LMNTD2: variants seen among roughly 807,000 people sequenced by gnomAD.
LMNTD2 encodes lamin tail domain containing 2, also known as lamin tail domain-containing protein 2.
A neutral mutation model predicts 70.1 loss-of-function variants in LMNTD2; 83 were observed. The observed-to-expected ratio is 1.18, with a 90% CI of 0.99 to 1.42. The LOEUF is 1.42. LMNTD2 is among the 40% of genes most tolerant of loss of function. The pLI is 0.00. For synonymous variants in LMNTD2, 534 were observed against 406.1 expected, an observed-to-expected ratio of 1.31 and a Z score of -3.79; for missense variants, 1,153 against 905.9, an observed-to-expected ratio of 1.27 and a Z score of -3.50.
chr11:559,334 C>T, intron 1 of LMNTD2: 1 of 1,365,608 alleles, frequency 7.3e-7, no homozygotes, highest in Non-Finnish European at 9.7e-7. Flanking sequence ...AGGGCCCTAC[C>T]CCCAGCACTC....
chr11:557,891 C>T lies in LMNTD2; in HGVS notation c.548G>A (p.Ser183Asn), dbSNP rs200911555. Residue 183 changes from serine to asparagine, a missense_variant, in exon 5 of 14, where the codon AGT becomes AAT. Coordinates refer to ENST00000329451, the MANE Select transcript of LMNTD2 (RefSeq NM_173573.3). The part of the protein sequence containing the change: ...VGRMLRSQTG[S>N]VEVVTAETLM... ...CTTGGGGGACAGGCTCACCTCCACACTGCCAGTCTGGGATCGTAGCATGCG... is the reference window on the plus strand; with the variant it reads ...CTTGGGGGACAGGCTCACCTCCACATTGCCAGTCTGGGATCGTAGCATGCG... 8 of 1,568,170 alleles carry T rather than the reference C, an allele frequency of 5.1e-6. No individual in the cohort carries two copies. Among genetic ancestry groups the T allele is most frequent in the African/African-American group, 4.0e-5 (3 of 74,134 alleles).
Position 555,287 on chromosome 11 carries a change from C to T in LMNTD2, c.1773+18G>A. The T allele has an allele frequency of 1.4e-6, 2 of 1,383,470 alleles. No homozygotes were observed. Among genetic ancestry groups the T allele is most frequent in the Non-Finnish European group, 1.9e-6 (2 of 1,070,312 alleles). The allele number at this position is 1,383,470 out of a possible 1,614,324, so 85.7% of individuals were successfully genotyped here. On this transcript the variant is annotated intron_variant, in intron 13 of 13. Coordinates refer to ENST00000329451, the MANE Select transcript of LMNTD2 (RefSeq NM_173573.3). Reference sequence around the variant, plus strand: ...CGAGGAGGGAGAGGAGGGGGCGCACCCGCAAGCGCGCACTCACCCGAACTC... The same window carrying T: ...CGAGGAGGGAGAGGAGGGGGCGCACTCGCAAGCGCGCACTCACCCGAACTC...
rs1213478718 is a variant in LMNTD2, at chr11:555,725, G to C, written c.1574+9C>G. 13 of 1,383,762 alleles carry C rather than the reference G, an allele frequency of 9.4e-6. No individual in the cohort carries two copies. The highest frequency in any genetic ancestry group is 1.2e-5 in the Non-Finnish European group (13 of 1,078,982). The allele number at this position is 1,383,762 out of a possible 1,614,324, so 85.7% of individuals were successfully genotyped here. Reference sequence around the variant, plus strand: ...GGGAGGCCAGATCCCGGGGACCCGCGGTCCCCACCCTGGTCTCCGGCGACT... The same window carrying C: ...GGGAGGCCAGATCCCGGGGACCCGCCGTCCCCACCCTGGTCTCCGGCGACT... On this transcript the variant is annotated intron_variant, in intron 12 of 13. Transcript: ENST00000329451.
At chr11:559,092 G>T (rs757033044) in intron 1 of LMNTD2, 113 bp from the exon 2 acceptor site, 1 of 1,526,260 alleles carries the variant, frequency 6.6e-7, no homozygotes, top group South Asian at 1.2e-5. Context: ...CGTCTGCCGT[G>T]TGCGCCTCGT....
At position 558,203 on chromosome 11, in the gene LMNTD2, C is replaced by T. The variant is rs1853024990; in HGVS notation, c.357G>A (p.Lys119=). 5.6e-6 allele frequency: 9 copies of T among 1,613,586 alleles called. No homozygotes were observed. The highest frequency in any genetic ancestry group is 1.7e-5 in the Admixed American group (1 of 60,020). ...QEKLLQNQVQ[K]LIQELKEQKE... ...TCTGTTCCTTCAACTCCTGGATCAG[C>T]TTCTGGACCTGGTTCTGCAGGAGTT... Residue 119 remains lysine, a synonymous_variant, in exon 4 of 14, where the codon AAG becomes AAA. Coordinates refer to ENST00000329451, the MANE Select transcript of LMNTD2 (RefSeq NM_173573.3).
intron 1 of LMNTD2, chr11:559,326 G>T: frequency 7.2e-7 from 1 of 1,382,144 alleles, no homozygotes; most frequent in South Asian, 1.2e-5. Flanking sequence ...CCCAGCTCAG[G>T]GCCCTACCCC....
chr11:555,182 G>GGGACGGGCGGGGAGGAGAGC, intron 13 of LMNTD2, 71 bp from the exon 14 acceptor site: 2 of 240,088 alleles, frequency 8.3e-6, no homozygotes, highest in Non-Finnish European at 1.3e-5. Context: ...GGGAGGAGAG[G>GGGACGGGCGGGGAGGAGAGC]GGAGGGGCGG....
At chr11:556,650 C>G (rs1852897960) in intron 8 of LMNTD2, 62 bp from the exon 9 acceptor site, 2 of 1,434,988 alleles carry the variant, frequency 1.4e-6, no homozygotes, top group Non-Finnish European at 1.8e-6. Flanking sequence ...GGATGTTCCC[C>G]GTGAGGTCAG....
rs760768034 is a variant in LMNTD2, at chr11:558,999, C to T, written c.35-20G>A. On this transcript the variant is annotated intron_variant, in intron 1 of 13. Coordinates refer to ENST00000329451, the MANE Select transcript of LMNTD2 (RefSeq NM_173573.3). ...CTTGCTCTGTGGGGGACAGGAGAGCCTCTTCCTCGGTTTCTTCAACCTCCT... is the reference window on the plus strand; with the variant it reads ...CTTGCTCTGTGGGGGACAGGAGAGCTTCTTCCTCGGTTTCTTCAACCTCCT... 8.1e-6 allele frequency: 13 copies of T among 1,595,464 alleles called. No individual in the cohort carries two copies. Among genetic ancestry groups the T allele is most frequent in the Non-Finnish European group, 1.0e-5 (12 of 1,177,150 alleles).
rs759668783 is a variant in LMNTD2 at position 555,517 on chromosome 11, G to T, written c.1575-14C>A. The T allele has an allele frequency of 7.4e-7, 1 of 1,356,220 alleles. No homozygotes were observed. Among genetic ancestry groups the T allele is most frequent in the Non-Finnish European group, 9.4e-7 (1 of 1,060,816 alleles). The allele number at this position is 1,356,220 out of a possible 1,614,324, so 84.0% of individuals were successfully genotyped here. On this transcript the variant is annotated splice_polypyrimidine_tract_variant and intron_variant, in intron 12 of 13. Transcript: ENST00000329451. ...AGGCCCCGCGTCCTGGTGGGGCGAG[G>T]GTCGTGAGGGCGGCGGCCGGCCCGG...
In LMNTD2 at chr11:557,416, C is replaced by G; in HGVS notation, c.696G>C (p.Glu232Asp). The change falls in exon 7 of 14, where the codon GAG becomes GAC. Residue 232 changes from glutamate to aspartate, a missense_variant. Physicochemically the swap from Glu to Asp is conservative, Grantham distance 45 (BLOSUM62 2). Coordinates refer to ENST00000329451, the MANE Select transcript of LMNTD2 (RefSeq NM_173573.3). ...GCAGTTACTTTTGCTTTGAGCTGGGCTCCATGTTGGTGAAGAGGTTGGGAT... is the reference window on the plus strand; with the variant it reads ...GCAGTTACTTTTGCTTTGAGCTGGGGTCCATGTTGGTGAAGAGGTTGGGAT... The part of the protein sequence containing the change: ...RRYPNLFTNM[E>D]PSSKQKQPRP... 6.2e-7 allele frequency: 1 copy of G among 1,606,604 alleles called. No homozygotes were observed. Among genetic ancestry groups the G allele is most frequent in the African/African-American group, 1.3e-5 (1 of 74,904 alleles).
chr11:560,075 C>A, intron 1 of LMNTD2: 1 of 163,286 alleles, frequency 6.1e-6, no homozygotes, highest in Non-Finnish European at 1.3e-5. Context: ...AAGCCAGGTC[C>A]CAGACCTGAC....
At chr11:559,183 G>A (rs549572418) in intron 1 of LMNTD2, 6 of 1,471,188 alleles carry the variant, frequency 4.1e-6, no homozygotes, top group East Asian at 5.0e-5. Context: ...ACATGTGGGT[G>A]TCCACACCCG....
In LMNTD2 at chr11:558,000, G is replaced by C; in HGVS notation, c.439C>G (p.Arg147Gly). 6.3e-7 allele frequency: 1 copy of C among 1,591,940 alleles called. No individual in the cohort carries two copies. The highest frequency in any genetic ancestry group is 8.6e-7 in the Non-Finnish European group (1 of 1,167,040). Residue 147 changes from arginine (R) to glycine (G), a missense_variant, in exon 5 of 14, where the codon CGC becomes GGC. By Grantham distance (125) the Arg-to-Gly change is moderately radical. Transcript: ENST00000329451. ...HLEERLLQTT[R>G]TLQEMEAELQ... ...TCGGCCTCCATCTCCTGGAGCGTGC[G>C]GGTGGTCTGCAGCAGCCGCTCCTCC...
Position 554,930 on chromosome 11 carries a change from C to A in LMNTD2, c.*50G>T. Reference sequence around the variant, plus strand: ...GCAGCGGACACAGCCCGCCCAGCCCCGGCGCCCGCCCGCGCCCTCCCTCGC... The same window carrying A: ...GCAGCGGACACAGCCCGCCCAGCCCAGGCGCCCGCCCGCGCCCTCCCTCGC... On this transcript the variant is annotated 3_prime_UTR_variant, in exon 14 of 14. Transcript: ENST00000329451. The A allele has an allele frequency of 7.2e-7, 1 of 1,384,506 alleles. No individual in the cohort carries two copies. The highest frequency in any genetic ancestry group is 2.8e-5 in the East Asian group (1 of 35,734). The allele number at this position is 1,384,506 out of a possible 1,614,324, so 85.8% of individuals were successfully genotyped here. A position where few individuals can be genotyped will look rare whatever the true frequency, so the allele number is the denominator to read the frequency against.
At chr11:560,650 G>C in intron 1 of LMNTD2, 33 bp downstream of exon 1, 1 of 1,389,704 alleles carries the variant, frequency 7.2e-7, no homozygotes, top group Non-Finnish European at 9.4e-7. Flanking sequence ...GGCTGCTGAG[G>C]AAGTCGGCCC....
chr11:555,293 G>A lies in LMNTD2; in HGVS notation c.1773+12C>T, dbSNP rs1321651821. The A allele has an allele frequency of 1.4e-6, 2 of 1,397,094 alleles. No individual in the cohort carries two copies. Among genetic ancestry groups the A allele is most frequent in the African/African-American group, 1.5e-5 (1 of 66,052 alleles). The allele number at this position is 1,397,094 out of a possible 1,614,324, so 86.5% of individuals were successfully genotyped here. ...GGGAGAGGAGGGGGCGCACCCGCAA[G>A]CGCGCACTCACCCGAACTCGGTGTT... On this transcript the variant is annotated intron_variant, in intron 13 of 13. Transcript: ENST00000329451.
intron 12 of LMNTD2, 37 bp from the exon 13 acceptor site, chr11:555,540 C>T (rs751245029): frequency 7.5e-7 from 1 of 1,327,416 alleles, no homozygotes. Context: ...GCGGCCGGCC[C>T]GGGAAAGGCG....
chr11:558,226 G>A lies in LMNTD2; in HGVS notation c.334C>T (p.Leu112Phe). ...PKRSSHSQEK[L>F]LQNQVQKLIQ... ...AGCTTCTGGACCTGGTTCTGCAGGA[G>A]TTTCTCCTGACTGTGGGAGCTCCTG... The change falls in exon 4 of 14, where the codon CTC (leucine) becomes TTC (phenylalanine). Residue 112 changes from leucine (L) to phenylalanine (F), a missense_variant. Physicochemically the swap from Leu to Phe is conservative, Grantham distance 22. Transcript: ENST00000329451. The A allele has an allele frequency of 6.2e-7, 1 of 1,613,592 alleles. No individual in the cohort carries two copies. Among genetic ancestry groups the A allele is most frequent in the African/African-American group, 1.3e-5 (1 of 75,054 alleles).
Sources: gnomAD v4.1 joint callset for allele counts on GRCh38, gnomAD v4.1.1 for gene constraint, MANE v1.5 for transcripts, NCBI Gene and HGNC (gene_info 2026-07-23, HGNC 2026-07-21) for gene names.